KCNMA1: variants seen among roughly 807,000 people sequenced by gnomAD.
The protein encoded by KCNMA1 is Calcium-activated potassium channel subunit alpha-1.
Under a neutral mutation model 140.0 loss-of-function variants are expected in KCNMA1, and 29 were observed. The ratio of observed to expected loss-of-function variants is 0.21; its 90% CI spans 0.15 to 0.28. KCNMA1 has a LOEUF of 0.28. KCNMA1 is among the 10% of genes least tolerant of loss of function. The pLI, the probability that KCNMA1 is intolerant of heterozygous loss-of-function variation, is 1.00. For missense variants in KCNMA1, 880 were observed against 1,602.2 expected (o/e 0.55, Z 7.70); for synonymous variants, 612 against 611.9 (o/e 1.00, Z 0.00).
At chr10:77,157,963 G>T (rs1308447481) in intron 5 of KCNMA1, among the ~76,000 whole-genome samples, 1 of 152,152 alleles carries the variant, frequency 6.6e-6, no homozygotes, top group African/African-American at 2.4e-5. Flanking sequence ...CCCATGGGTT[G>T]GGGGCAGGGA....
chr10:77,576,797 G>C (rs1001945330), intron 1 of KCNMA1, among the ~76,000 whole-genome samples: 10 of 152,168 alleles, frequency 6.6e-5, no homozygotes, highest in East Asian at 1.9e-4. Flanking sequence ...CTCTAGCCTA[G>C]AGAGCTACAG....
intron 15 of KCNMA1, among the ~76,000 whole-genome samples, chr10:77,038,199 C>T (rs1260044575): frequency 6.6e-6 from 1 of 152,114 alleles, no homozygotes; most frequent in Non-Finnish European, 1.5e-5. Flanking sequence ...ACCAAGCGCT[C>T]CGCCTCCCTC....
At chr10:77,478,664 C>T (rs2098326858) in intron 1 of KCNMA1, among the ~76,000 whole-genome samples, 1 of 152,196 alleles carries the variant, frequency 6.6e-6, no homozygotes, top group Non-Finnish European at 1.5e-5. Flanking sequence ...ATTTATGTCT[C>T]TTTTTGCTAT....
At chr10:77,161,306 G>A (rs774141308) in intron 5 of KCNMA1, among the ~76,000 whole-genome samples, 1 of 152,152 alleles carries the variant, frequency 6.6e-6, no homozygotes, top group Non-Finnish European at 1.5e-5. Flanking sequence ...GGGGTACAGC[G>A]GCATGATTAT....
chr10:77,379,649 T>C (rs688528), intron 2 of KCNMA1, among the ~76,000 whole-genome samples: 30,711 of 151,792 alleles, frequency 0.2, 3,814 homozygotes, highest in Admixed American at 0.27. Flanking sequence ...GAACCCATAA[T>C]TTTGGAAGCT....
chr10:76,875,700 G>A (rs919800832), downstream of KCNMA1: 2 of 152,270 alleles, frequency 1.3e-5, no homozygotes, highest in Admixed American at 1.3e-4. Context: ...AAAGAAGAGC[G>A]TGGATTGACG....
chr10:77,618,894 G>A (rs891332928), intron 1 of KCNMA1, among the ~76,000 whole-genome samples: 1 of 152,216 alleles, frequency 6.6e-6, no homozygotes, highest in African/African-American at 2.4e-5. Flanking sequence ...CTAAGTGGAA[G>A]GGGAGAAGGA....
chr10:77,117,066 C>T (rs1033295810), intron 6 of KCNMA1, among the ~76,000 whole-genome samples: 5 of 152,170 alleles, frequency 3.3e-5, no homozygotes, highest in African/African-American at 9.6e-5. Context: ...GTTTCAAAAA[C>T]GCCTCCCAAA....
intron 19 of KCNMA1, among the ~76,000 whole-genome samples, chr10:76,985,021 G>A (rs1293208781): frequency 6.6e-6 from 1 of 152,214 alleles, no homozygotes; most frequent in Non-Finnish European, 1.5e-5. Flanking sequence ...GGACCTGCAT[G>A]TCAGGCCCTT....
Position 76,909,959 on chromosome 10 carries a change from A to G in KCNMA1, c.3147+7T>C. The G allele has an allele frequency of 6.2e-7, 1 of 1,613,218 alleles. No homozygotes were observed. ...TTGAGTGAGGAGGAGGGAACAGGATAACTCACCGCGCTCATGAGTGAGTCC... is the reference window on the plus strand; with the variant it reads ...TTGAGTGAGGAGGAGGGAACAGGATGACTCACCGCGCTCATGAGTGAGTCC... On this transcript the variant is annotated splice_region_variant and intron_variant, in intron 25 of 27. Coordinates refer to ENST00000286628, the MANE Select transcript of KCNMA1 (RefSeq NM_001161352.2).
chr10:77,451,565 G>A (rs1414540589), intron 1 of KCNMA1, among the ~76,000 whole-genome samples: 1 of 152,270 alleles, frequency 6.6e-6, no homozygotes, highest in Non-Finnish European at 1.5e-5. Context: ...ACGAAAGCTC[G>A]CTTCCAGCCT....
intron 3 of KCNMA1, 64 bp from the exon 4 acceptor site, chr10:77,184,980 G>C (rs922788886): frequency 8.3e-6 from 8 of 962,982 alleles, no homozygotes; most frequent in South Asian, 1.3e-5. Context: ...TGTCTCCCAC[G>C]ATGCTGAGAA....
At chr10:77,285,952 C>T (rs2154301465) in intron 2 of KCNMA1, among the ~76,000 whole-genome samples, 1 of 152,286 alleles carries the variant, frequency 6.6e-6, no homozygotes, top group African/African-American at 2.4e-5. Context: ...CTGGTGGAAA[C>T]AGTGGCCATG....
chr10:76,948,813 C>A (rs959440722), intron 22 of KCNMA1, among the ~76,000 whole-genome samples: 8 of 152,128 alleles, frequency 5.3e-5, no homozygotes, highest in African/African-American at 1.9e-4. Context: ...GTAAGCAAAT[C>A]CTTACTATAA....
chr10:77,304,304 T>C (rs1044171539), intron 2 of KCNMA1: 2 of 152,252 alleles, frequency 1.3e-5, no homozygotes, highest in Non-Finnish European at 2.9e-5. Flanking sequence ...TTATTGCTTA[T>C]AGAGAGCCAA....
At chr10:77,587,800 G>T in intron 1 of KCNMA1, 4 of 985,242 alleles carry the variant, frequency 4.1e-6, no homozygotes, top group Non-Finnish European at 4.8e-6. Flanking sequence ...CCTATCAGAT[G>T]CAGGGCCCCA....
At chr10:77,020,049 C>T (rs1379122394) in intron 16 of KCNMA1, 32 of 152,102 alleles carry the variant, frequency 2.1e-4, no homozygotes, top group Admixed American at 2.1e-3. Context: ...GATGCAGAGA[C>T]TGAGAAAAGA....
At chr10:77,314,294 A>G (rs183686480) in intron 2 of KCNMA1, among the ~76,000 whole-genome samples, 1 of 152,296 alleles carries the variant, frequency 6.6e-6, no homozygotes, top group African/African-American at 2.4e-5. Flanking sequence ...CCCTCTTGTT[A>G]CAGGAAATGA....
chr10:77,571,233 C>CGTG (rs1466074453), intron 1 of KCNMA1, among the ~76,000 whole-genome samples: 2 of 152,182 alleles, frequency 1.3e-5, no homozygotes, highest in African/African-American at 2.4e-5. Flanking sequence ...GACTTTCACT[C>CGTG]GTGGTGACTG....
Sources: gnomAD v4.1 joint callset for allele counts (sites outside exome capture counted in the v4.1 genomes callset) on GRCh38, gnomAD v4.1.1 for gene constraint, MANE v1.5 for transcripts, NCBI Gene and HGNC (gene_info 2026-07-23, HGNC 2026-07-21) for gene names.